The following THSD4 variants were observed in gnomAD, a reference collection of about 807,000 sequenced individuals.
The protein encoded by THSD4 is thrombospondin type-1 domain-containing protein 4.
A neutral mutation model predicts 119.0 loss-of-function variants in THSD4; 69 were observed. That is an observed-to-expected ratio of 0.58 (90% confidence interval 0.48 to 0.71). The LOEUF is 0.71. Among genes scored for constraint, THSD4 ranks in the 30% least tolerant of loss-of-function variants. The probability of loss-of-function intolerance (pLI) is 0.00; values close to 1 mark genes in which losing one functional copy is unlikely to be tolerated. For synonymous variants in THSD4, 524 were observed against 540.4 expected (o/e 0.97, Z 0.42); for missense variants, 1,393 against 1,391.1 (o/e 1.00, Z -0.02).
Position 71,777,443 on chromosome 15 carries a change from G to A in THSD4, c.*69G>A. On this transcript the variant is annotated 3_prime_UTR_variant, in exon 18 of 18. Coordinates refer to ENST00000261862, the MANE Select transcript of THSD4 (RefSeq NM_024817.3). ...GGGGGCTTCAGCAGTGCGCCTGGCT[G>A]GCTGCTGCTCCACCACGGGCCCCCT... The A allele has an allele frequency of 6.5e-7, 1 of 1,540,488 alleles. No homozygotes were observed. The highest frequency in any genetic ancestry group is 8.7e-7 in the Non-Finnish European group (1 of 1,145,178).
intron 7 of THSD4, among the ~76,000 whole-genome samples, chr15:71,458,085 A>C (rs2047365703): frequency 6.6e-6 from 1 of 152,218 alleles, no homozygotes. Context: ...TCTTATTATA[A>C]TCTATATGCA....
chr15:71,197,711 CAAG>C (rs992249086), intron 3 of THSD4, among the ~76,000 whole-genome samples: 18 of 152,174 alleles, frequency 1.2e-4, no homozygotes, highest in African/African-American at 4.1e-4. Context: ...CAAGGGCCAC[CAAG>C]AAGAAGGTCG....
chr15:71,752,643 C>T (rs1398086447), intron 14 of THSD4, among the ~76,000 whole-genome samples: 1 of 152,184 alleles, frequency 6.6e-6, no homozygotes, highest in Non-Finnish European at 1.5e-5. Context: ...TCGTATTTGA[C>T]CCTGAGCCAG....
At chr15:71,280,041 G>GTGAC (rs2044633753) in intron 6 of THSD4, among the ~76,000 whole-genome samples, 1 of 152,180 alleles carries the variant, frequency 6.6e-6, no homozygotes, top group Admixed American at 6.5e-5. Context: ...TCCACTATTG[G>GTGAC]TGACTGGGTG....
chr15:71,560,970 C>CTTTTTT (rs11292320), intron 7 of THSD4, among the ~76,000 whole-genome samples: 1 of 123,988 alleles, frequency 8.1e-6, no homozygotes, highest in African/African-American at 3.0e-5. Context: ...TTCTCTTTAT[C>CTTTTTT]TTTTTTTTTT....
chr15:71,523,653 TC>T (rs1299286347), intron 7 of THSD4, among the ~76,000 whole-genome samples: 3 of 152,076 alleles, frequency 2.0e-5, no homozygotes, highest in Non-Finnish European at 4.4e-5. Context: ...GTGGCCTTAG[TC>T]CAGGACTGGG....
rs902739018 is a variant in THSD4 at position 71,128,675 on chromosome 15, T to C, written c.-79-12774T>C. ...TGAGCATAAGACTCAAACTTAGAGATTCAAGAAGCTGAGCAAACCCTAAAT... is the reference window on the plus strand; with the variant it reads ...TGAGCATAAGACTCAAACTTAGAGACTCAAGAAGCTGAGCAAACCCTAAAT... On this transcript the variant is annotated intron_variant, in intron 1 of 17. Transcript: ENST00000261862. Among the ~76,000 whole-genome samples the C allele has an allele frequency of 2.2e-4, 33 of 152,120 alleles. 1 individual carries two copies. The highest frequency in any genetic ancestry group is 8.0e-4 in the African/African-American group (33 of 41,418).
chr15:71,513,856 T>A (rs1567016263), intron 7 of THSD4, among the ~76,000 whole-genome samples: 1 of 152,126 alleles, frequency 6.6e-6, no homozygotes, highest in Non-Finnish European at 1.5e-5. Flanking sequence ...AAAAACAAAC[T>A]ATTGATTCAA....
chr15:71,584,074 A>C (rs1049925172), intron 7 of THSD4, among the ~76,000 whole-genome samples: 2 of 152,026 alleles, frequency 1.3e-5, no homozygotes, highest in Non-Finnish European at 2.9e-5. Context: ...GGGTGCTCCA[A>C]TGTTGGGTGT....
At chr15:71,410,570 G>A (rs571570661) in intron 6 of THSD4, among the ~76,000 whole-genome samples, 5 of 152,186 alleles carry the variant, frequency 3.3e-5, no homozygotes, top group Admixed American at 6.5e-5. Context: ...AAAGGTAGGC[G>A]AGGTTCCGCT....
intron 2 of THSD4, among the ~76,000 whole-genome samples, chr15:71,144,432 A>G (rs1263757698): frequency 1.3e-5 from 2 of 152,226 alleles, no homozygotes; most frequent in Non-Finnish European, 2.9e-5. Flanking sequence ...ACACAGACGC[A>G]CACACATGTG....
At chr15:71,367,441 A>AC (rs2045980560) in intron 6 of THSD4, among the ~76,000 whole-genome samples, 1 of 151,528 alleles carries the variant, frequency 6.6e-6, no homozygotes. Flanking sequence ...ATCCCTCCCC[A>AC]CCCCACGACA....
At chr15:71,522,798 T>A (rs147436936) in intron 7 of THSD4, among the ~76,000 whole-genome samples, 1 of 152,338 alleles carries the variant, frequency 6.6e-6, no homozygotes, top group East Asian at 1.9e-4. Context: ...TTTATGGATA[T>A]CTACCTTGAG....
chr15:71,207,582 C>G (rs775577410), intron 3 of THSD4, among the ~76,000 whole-genome samples: 1 of 152,142 alleles, frequency 6.6e-6, no homozygotes, highest in East Asian at 1.9e-4. Flanking sequence ...AGTACTGGGC[C>G]GCAGCCTGTT....
At chr15:71,384,756 G>A (rs916676140) in intron 6 of THSD4, among the ~76,000 whole-genome samples, 13 of 152,210 alleles carry the variant, frequency 8.5e-5, no homozygotes, top group African/African-American at 2.4e-4. Context: ...TCCACATAAC[G>A]GCATTGTAAT....
chr15:71,514,596 A>T (rs984419339), intron 7 of THSD4, among the ~76,000 whole-genome samples: 1 of 152,176 alleles, frequency 6.6e-6, no homozygotes, highest in African/African-American at 2.4e-5. Flanking sequence ...TAAACAATAA[A>T]CTTGTTTTAT....
At chr15:71,173,903 G>A (rs563440789) in intron 3 of THSD4, among the ~76,000 whole-genome samples, 2 of 152,070 alleles carry the variant, frequency 1.3e-5, no homozygotes, top group Admixed American at 6.6e-5. Context: ...AAGACCATTC[G>A]ATGGGAAAAG....
In THSD4 at chr15:71,158,312, T is replaced by C. The variant is rs574397076; in HGVS notation, c.99+3380T>C. On this transcript the variant is annotated intron_variant, in intron 3 of 17. Coordinates refer to ENST00000261862, the MANE Select transcript of THSD4 (RefSeq NM_024817.3). ...GGGATTACAGGCATGCGCCACCATA[T>C]CTGGCTAATTTTGTATTTTTAGTAG... Among the ~76,000 whole-genome samples the C allele has an allele frequency of 3.9e-5, 6 of 151,916 alleles. No homozygotes were observed. In the South Asian group the frequency reaches 1.2e-3, roughly 32 times the overall value.
intron 7 of THSD4, among the ~76,000 whole-genome samples, chr15:71,521,520 A>G (rs1011069027): frequency 2.0e-5 from 3 of 152,198 alleles, no homozygotes; most frequent in African/African-American, 7.2e-5. Flanking sequence ...TGGCAGAGTT[A>G]CTTTTTAATC....
Sources: allele counts gnomAD v4.1 joint callset (sites outside exome capture counted in the v4.1 genomes callset), GRCh38; gene constraint gnomAD v4.1.1; transcripts MANE v1.5; gene names NCBI Gene and HGNC (gene_info 2026-07-23, HGNC 2026-07-21).